The following DNAJC18 variants were observed in gnomAD, a reference collection of about 807,000 sequenced individuals.
DNAJC18 encodes DnaJ heat shock protein family (Hsp40) member C18, also known as dnaJ homolog subfamily C member 18.
Under a neutral mutation model 48.6 loss-of-function variants are expected in DNAJC18, and 40 were observed. The observed-to-expected ratio is 0.82, with a 90% confidence interval of 0.64 to 1.07. The LOEUF (loss-of-function observed/expected upper bound fraction) is 1.07, where lower values mean the gene tolerates loss of function less well. Ranked by LOEUF, DNAJC18 falls within the 50% of genes least tolerant of loss-of-function variation. The pLI is 0.00. For synonymous variants in DNAJC18, 135 were observed against 152.2 expected, an observed-to-expected ratio of 0.89 and a Z score of 0.83; for missense variants, 340 against 427.7, an observed-to-expected ratio of 0.79 and a Z score of 1.81.
At chr5:139,437,620 G>C (rs751603569) in intron 1 of DNAJC18, 62 bp from the exon 2 acceptor site, 4 of 1,544,334 alleles carry the variant, frequency 2.6e-6, no homozygotes, top group Non-Finnish European at 3.5e-6. Context: ...TTTGCAACCT[G>C]CCTTTCCTCT....
intron 2 of DNAJC18, among the ~76,000 whole-genome samples, chr5:139,434,378 C>T (rs1750594174): frequency 6.6e-6 from 1 of 152,284 alleles, no homozygotes; most frequent in South Asian, 2.1e-4. Context: ...GGCTGGATTG[C>T]AGTAGGGTGA....
intron 3 of DNAJC18, among the ~76,000 whole-genome samples, 198 bp from the exon 4 acceptor site, chr5:139,426,555 T>C (rs1038049513): frequency 3.3e-5 from 5 of 152,076 alleles, no homozygotes; most frequent in Non-Finnish European, 7.4e-5. Flanking sequence ...AACAACAACA[T>C]TGGAATCACA....
chr5:139,414,440 A>C (rs1759041599), intron 7 of DNAJC18, among the ~76,000 whole-genome samples, 168 bp from the exon 8 acceptor site: 1 of 152,268 alleles, frequency 6.6e-6, no homozygotes, highest in African/African-American at 2.4e-5. Context: ...GTACTAGACC[A>C]GGTGTGGAGG....
intron 2 of DNAJC18, among the ~76,000 whole-genome samples, chr5:139,436,536 T>C (rs1424309291): frequency 6.8e-6 from 1 of 146,934 alleles, no homozygotes; most frequent in Non-Finnish European, 1.5e-5. Flanking sequence ...TTTTTTTTTT[T>C]TTTGAGAGAC....
At chr5:139,433,431 C>T (rs1343208965) in intron 2 of DNAJC18, among the ~76,000 whole-genome samples, 1 of 121,210 alleles carries the variant, frequency 8.3e-6, no homozygotes, top group Admixed American at 9.3e-5. Context: ...GCGACAAGAG[C>T]AAAACTCCAT....
At chr5:139,424,717 CAAAAAAAAAAAAAA>C (rs70982777) in intron 5 of DNAJC18, among the ~76,000 whole-genome samples, 8 of 23,118 alleles carry the variant, frequency 3.5e-4, no homozygotes, top group East Asian at 1.2e-3. Context: ...GACCCTCTCT[CAAAAAAAAAAAAAA>C]AAAAAAAAAA....
At chr5:139,436,256 T>C (rs961342503) in intron 2 of DNAJC18, among the ~76,000 whole-genome samples, 1 of 151,778 alleles carries the variant, frequency 6.6e-6, no homozygotes, top group East Asian at 1.9e-4. Context: ...CAAGTATTTT[T>C]TTTTTCTTTT....
At chr5:139,438,011 TA>T (rs1750709030) in intron 1 of DNAJC18, among the ~76,000 whole-genome samples, 2 of 152,298 alleles carry the variant, frequency 1.3e-5, no homozygotes, top group South Asian at 4.1e-4. Flanking sequence ...TACAAATTCG[TA>T]AACTTTCTTA....
intron 3 of DNAJC18, among the ~76,000 whole-genome samples, chr5:139,427,970 G>A (rs1406715042): frequency 6.6e-6 from 1 of 152,164 alleles, no homozygotes; most frequent in Non-Finnish European, 1.5e-5. Flanking sequence ...ACAATGACTT[G>A]GAGTGCAGTG....
In DNAJC18 at chr5:139,425,003, A is replaced by G. The variant is rs1759212731; in HGVS notation, c.669+2T>C. 2.5e-6 allele frequency: 4 copies of G among 1,611,954 alleles called. No individual in the cohort carries two copies. The highest frequency in any genetic ancestry group is 3.4e-6 in the Non-Finnish European group (4 of 1,178,360). The stretch of plus-strand genomic sequence containing the variant: ...CAGCAGTGCTCCTCCCTCCCTAGGT[A>G]CCTGAGGTTTCTCTTCTTCCTCCTC... On this transcript the variant is annotated splice_donor_variant, in intron 5 of 7. Coordinates refer to ENST00000302060, the MANE Select transcript of DNAJC18 (RefSeq NM_152686.4). LOFTEE classifies it high-confidence loss of function.
rs144036445 is a variant in DNAJC18 at position 139,439,363 on chromosome 5, C to T, written c.40+43G>A. The stretch of plus-strand genomic sequence containing the variant: ...TTCAGGATCCTCATCCCTGATCTCT[C>T]CCGAAGGCCGCCCTATCCCTCCTTC... On this transcript the variant is annotated intron_variant, in intron 1 of 7. Coordinates refer to ENST00000302060, the MANE Select transcript of DNAJC18 (RefSeq NM_152686.4). This position sits in a 1 kb window ranked among gnomAD's most constrained non-coding sequence, Gnocchi z 4.1. The T allele has an allele frequency of 0.013, 20,226 of 1,614,136 alleles. 190 individuals carry two copies. The highest frequency in any genetic ancestry group is 0.015 in the Non-Finnish European group (18,129 of 1,180,000).
chr5:139,418,527 TG>T (rs1022323842), intron 7 of DNAJC18, among the ~76,000 whole-genome samples: 2 of 152,190 alleles, frequency 1.3e-5, no homozygotes, highest in African/African-American at 4.8e-5. Context: ...AGTTTAGCAA[TG>T]GGGTAGAGTA....
At chr5:139,417,973 C>T (rs1011541411) in intron 7 of DNAJC18, among the ~76,000 whole-genome samples, 2 of 152,124 alleles carry the variant, frequency 1.3e-5, no homozygotes, top group Non-Finnish European at 2.9e-5. Flanking sequence ...TGGTGCAATC[C>T]TTACCATGAG....
At chr5:139,420,005 T>G in intron 7 of DNAJC18, 48 bp downstream of exon 7, 1 of 1,496,906 alleles carries the variant, frequency 6.7e-7, no homozygotes. Flanking sequence ...GGGTGCCTCC[T>G]GCTGGGAACC....
chr5:139,436,690 T>G (rs530851589), intron 2 of DNAJC18, among the ~76,000 whole-genome samples: 4 of 152,000 alleles, frequency 2.6e-5, no homozygotes, highest in Non-Finnish European at 5.9e-5. Flanking sequence ...ATATATATTT[T>G]TTGGAAGAGA....
chr5:139,422,113 C>G (rs1202290004), intron 6 of DNAJC18, among the ~76,000 whole-genome samples: 1 of 152,120 alleles, frequency 6.6e-6, no homozygotes, highest in East Asian at 1.9e-4. Context: ...TGGAGGGGCC[C>G]TAGAATCTGC....
chr5:139,426,490 G>T, intron 3 of DNAJC18, 133 bp from the exon 4 acceptor site: 1 of 1,091,420 alleles, frequency 9.2e-7, no homozygotes, highest in Non-Finnish European at 1.3e-6. Flanking sequence ...AGAGATGCTT[G>T]GGCCTAGAAA....
chr5:139,431,822 T>C (rs1360207205), intron 2 of DNAJC18, among the ~76,000 whole-genome samples: 1 of 152,240 alleles, frequency 6.6e-6, no homozygotes, highest in Non-Finnish European at 1.5e-5. Flanking sequence ...TGTACAAAGG[T>C]TCCAATTTAT....
rs1759010540 is a variant in DNAJC18 at position 139,412,627 on chromosome 5, T to C, written c.*1521A>G. The C allele has an allele frequency of 7.5e-6, 3 of 398,508 alleles. No homozygotes were observed. The highest frequency in any genetic ancestry group is 2.1e-5 in the African/African-American group (1 of 48,628). The allele number at this position is 398,508 out of a possible 1,614,324, so 24.7% of individuals were successfully genotyped here. Reference sequence around the variant, plus strand: ...TGGAGTGTAGGCTACAGTCACTTAATGATCCTTCCAAGTTCAGAGTCATGA... The same window carrying C: ...TGGAGTGTAGGCTACAGTCACTTAACGATCCTTCCAAGTTCAGAGTCATGA... On this transcript the variant is annotated 3_prime_UTR_variant, in exon 8 of 8. Transcript: ENST00000302060.
Sources: allele counts gnomAD v4.1 joint callset (sites outside exome capture counted in the v4.1 genomes callset), GRCh38; gene constraint gnomAD v4.1.1; non-coding constraint Gnocchi (gnomAD v3.1); transcripts MANE v1.5; gene names NCBI Gene and HGNC (gene_info 2026-07-23, HGNC 2026-07-21).